Variants in SLC35D1 observed in about 807,000 individuals in gnomAD.
SLC35D1 encodes the protein solute carrier family 35 member D1, also known as nucleotide sugar transporter SLC35D1.
Under a neutral mutation model 46.7 loss-of-function variants are expected in SLC35D1, and 31 were observed. The observed-to-expected ratio is 0.66, with a 90% confidence interval of 0.50 to 0.90. The LOEUF is 0.90. Ranked by LOEUF, SLC35D1 falls within the 40% of genes least tolerant of loss-of-function variation. The pLI, the probability that SLC35D1 is intolerant of heterozygous loss-of-function variation, is 0.00. For missense variants in SLC35D1, 397 were observed against 426.2 expected, an observed-to-expected ratio of 0.93 and a Z score of 0.60; for synonymous variants, 195 against 164.6, an observed-to-expected ratio of 1.18 and a Z score of -1.41.
the SLC35D1 span, chr1:66,984,458 CTATG>C: frequency 2.7e-6 from 2 of 734,312 alleles, no homozygotes; most frequent in East Asian, 2.6e-5. Flanking sequence ...AGAATTTAGA[CTATG>C]TATTTGATAC....
chr1:67,046,933 T>C (rs1416637567), intron 7 of SLC35D1, among the ~76,000 whole-genome samples: 1 of 152,262 alleles, frequency 6.6e-6, no homozygotes, highest in African/African-American at 2.4e-5. Flanking sequence ...TTCCAAGTAG[T>C]TCTCTTTCTG....
At chr1:67,035,659 T>C (rs1358893619) in intron 8 of SLC35D1, among the ~76,000 whole-genome samples, 2 of 152,042 alleles carry the variant, frequency 1.3e-5, no homozygotes, top group Non-Finnish European at 2.9e-5. Flanking sequence ...TAATCTTTTG[T>C]ATTGTTTTCT....
intron 3 of SLC35D1, among the ~76,000 whole-genome samples, chr1:67,052,365 G>GTTC (rs1645318799): frequency 6.6e-6 from 1 of 152,128 alleles, no homozygotes; most frequent in East Asian, 1.9e-4. Flanking sequence ...ATATGATAAT[G>GTTC]TATTAGAGCC....
intron 3 of SLC35D1, 83 bp from the exon 4 acceptor site, chr1:67,052,162 T>C (rs947086543): frequency 2.9e-5 from 30 of 1,019,478 alleles, no homozygotes; most frequent in Non-Finnish European, 4.6e-5. Flanking sequence ...CAATTTTGTT[T>C]ATATGATCAA....
the SLC35D1 span, among the ~76,000 whole-genome samples, chr1:66,993,774 G>A: frequency 2.0e-5 from 3 of 152,004 alleles, no homozygotes; most frequent in African/African-American, 7.2e-5. Context: ...TACACAAGGT[G>A]CTAAAAAAAA....
chr1:66,997,944 A>C (rs948694928), downstream of SLC35D1, among the ~76,000 whole-genome samples: 1 of 151,850 alleles, frequency 6.6e-6, no homozygotes, highest in African/African-American at 2.4e-5. Flanking sequence ...CAACATCACT[A>C]ATCATTAGGA....
At position 67,053,981 on chromosome 1, in the gene SLC35D1, C is replaced by A. The variant is rs1351415095; in HGVS notation, c.33G>T (p.Arg11=). The A allele has an allele frequency of 1.9e-6, 3 of 1,613,236 alleles. No individual in the cohort carries two copies. In the East Asian group the frequency reaches 6.7e-5, roughly 36 times the overall value. Residue 11 remains arginine (R), a synonymous_variant, in exon 1 of 12, where the codon CGG becomes CGT. Transcript: ENST00000235345. The stretch of plus-strand genomic sequence containing the variant: ...ATTTCGCGGGGGCTTCTCCTTTAAC[C>A]CGAGCATGCTGACGTCTATGAACTT... The part of the protein sequence containing the change: MAEVHRRQHA[R]VKGEAPAKSS...
At chr1:67,007,862 A>C (rs1404188836) in intron 11 of SLC35D1, among the ~76,000 whole-genome samples, 1 of 152,206 alleles carries the variant, frequency 6.6e-6, no homozygotes, top group Non-Finnish European at 1.5e-5. Context: ...CTTCAAACAG[A>C]GACCCTTTAA....
At chr1:66,991,441 G>T in the SLC35D1 span, among the ~76,000 whole-genome samples, 2 of 152,102 alleles carry the variant, frequency 1.3e-5, no homozygotes, top group Non-Finnish European at 2.9e-5. Context: ...ATGAATACTA[G>T]CAGTATCAGA....
chr1:67,033,008 T>A (rs1239426485), intron 8 of SLC35D1, among the ~76,000 whole-genome samples: 1 of 152,204 alleles, frequency 6.6e-6, no homozygotes, highest in African/African-American at 2.4e-5. Context: ...TTTGTTTTTC[T>A]GTGCCTGCCT....
chr1:66,975,990 T>TTTTC, the SLC35D1 span, among the ~76,000 whole-genome samples: 1 of 151,640 alleles, frequency 6.6e-6, no homozygotes, highest in African/African-American at 2.4e-5. Context: ...GGCCTTTTTT[T>TTTTC]TGTGTGTGTG....
chr1:67,039,264 A>G (rs1668188858), intron 8 of SLC35D1, among the ~76,000 whole-genome samples: 1 of 152,234 alleles, frequency 6.6e-6, no homozygotes, highest in Admixed American at 6.5e-5. Flanking sequence ...TTTAGGGTTA[A>G]TCACAGGATA....
In SLC35D1 at chr1:67,004,233, G is replaced by A. The variant is rs1667399777; in HGVS notation, c.*107C>T. ...TCAGATTGTACAAGTGCAAAGGAAT[G>A]GTTATTTCCTCCATAATCAAGACAC... is the stretch of plus-strand genomic sequence containing the variant. On this transcript the variant is annotated 3_prime_UTR_variant, in exon 12 of 12. Coordinates refer to ENST00000235345, the MANE Select transcript of SLC35D1 (RefSeq NM_015139.3). The A allele has an allele frequency of 1.1e-6, 1 of 925,436 alleles. No individual in the cohort carries two copies. Among genetic ancestry groups the A allele is most frequent in the Admixed American group, 1.8e-5 (1 of 54,332 alleles). The allele number at this position is 925,436 out of a possible 1,614,324, so 57.3% of individuals were successfully genotyped here. A position where few individuals can be genotyped will look rare whatever the true frequency, so the allele number is the denominator to read the frequency against.
chr1:67,016,555 C>T (rs558296405), intron 10 of SLC35D1, among the ~76,000 whole-genome samples: 1 of 152,124 alleles, frequency 6.6e-6, no homozygotes, highest in East Asian at 1.9e-4. Flanking sequence ...TAGTAAAAGA[C>T]TAATTTTTAT....
chr1:66,982,362 A>G, the SLC35D1 span, among the ~76,000 whole-genome samples: 3 of 152,330 alleles, frequency 2.0e-5, no homozygotes, highest in South Asian at 6.2e-4. Flanking sequence ...AACCTTGAAT[A>G]ATGAGAAAAG....
chr1:66,980,466 T>G, the SLC35D1 span, among the ~76,000 whole-genome samples: 4 of 152,292 alleles, frequency 2.6e-5, no homozygotes, highest in African/African-American at 7.2e-5. Flanking sequence ...ATCCCTATAT[T>G]TGTTAAATCC....
downstream of SLC35D1, among the ~76,000 whole-genome samples, chr1:66,995,823 T>C (rs1667233025): frequency 1.3e-5 from 2 of 152,204 alleles, no homozygotes; most frequent in Admixed American, 6.5e-5. Flanking sequence ...TATGCATATC[T>C]CAGCTATACT....
intron 3 of SLC35D1, among the ~76,000 whole-genome samples, chr1:67,052,521 T>C (rs928092263): frequency 1.3e-5 from 2 of 152,182 alleles, no homozygotes; most frequent in East Asian, 1.9e-4. Flanking sequence ...TGCAAAACTA[T>C]TGTACTCTCA....
chr1:66,985,725 G>A, the SLC35D1 span: 29 of 983,386 alleles, frequency 2.9e-5, no homozygotes, highest in African/African-American at 4.6e-4. Context: ...ATTTTGCTAA[G>A]GTTTTTCTAA....
Sources: allele counts gnomAD v4.1 joint callset (sites outside exome capture counted in the v4.1 genomes callset), GRCh38; gene constraint gnomAD v4.1.1; transcripts MANE v1.5; gene names NCBI Gene and HGNC (gene_info 2026-07-23, HGNC 2026-07-21).